The following EPS15 variants were observed in gnomAD, a reference collection of about 807,000 sequenced individuals.
EPS15 encodes epidermal growth factor receptor pathway substrate 15.
Under a neutral mutation model 113.8 loss-of-function variants are expected in EPS15, and 72 were observed. That is an observed-to-expected ratio of 0.63 (90% confidence interval 0.52 to 0.77). EPS15 has a LOEUF of 0.77. EPS15 is among the 30% of genes least tolerant of loss of function. The probability of loss-of-function intolerance (pLI) is 0.00; values close to 1 mark genes in which losing one functional copy is unlikely to be tolerated. For missense variants in EPS15, 1,048 were observed against 1,045.8 expected, an observed-to-expected ratio of 1.00 and a Z score of -0.03; for synonymous variants, 344 against 363.4, an observed-to-expected ratio of 0.95 and a Z score of 0.61.
In EPS15 at chr1:51,465,079, T is replaced by C. The variant is rs182732966; in HGVS notation, c.375+182A>G. Among the ~76,000 whole-genome samples, 163 of 152,338 alleles carry C rather than the reference T, an allele frequency of 1.1e-3. 1 individual carries two copies. Among genetic ancestry groups the C allele is most frequent in the African/African-American group, 3.9e-3 (161 of 41,578 alleles). On this transcript the variant is annotated intron_variant, in intron 6 of 24. Transcript: ENST00000371733. ...TATAACAGATATACAAGTAGACCGA[T>C]ACTGTCACAAAACAACTGACAGAGC...
rs139787993 is a variant in EPS15 at position 51,509,122 on chromosome 1, G to A, written c.33+10077C>T. 1.9e-3 allele frequency among the ~76,000 whole-genome samples: 286 copies of A among 152,178 alleles called. 1 individual carries two copies. The highest frequency in any genetic ancestry group is 4.8e-3 in the Admixed American group (74 of 15,282). On this transcript the variant is annotated intron_variant, in intron 1 of 24. Coordinates refer to ENST00000371733, the MANE Select transcript of EPS15 (RefSeq NM_001981.3). ...AACCAAAAGCTACTTCAGAGCAAAT[G>A]TCATGGTCTTATTCTGTATGTCCAA...
chr1:51,475,488 T>C (rs1020071624), intron 2 of EPS15, among the ~76,000 whole-genome samples: 2 of 152,224 alleles, frequency 1.3e-5, no homozygotes, highest in African/African-American at 4.8e-5. Flanking sequence ...TTTTGAGAAG[T>C]GTCTGTTCAT....
At chr1:51,363,097 A>C (rs1215281192) in intron 23 of EPS15, among the ~76,000 whole-genome samples, 1 of 152,156 alleles carries the variant, frequency 6.6e-6, no homozygotes, top group Admixed American at 6.6e-5. Flanking sequence ...CAGGAGGTAG[A>C]GACCAGCGTG....
chr1:51,409,854 G>A (rs570985996), intron 13 of EPS15, among the ~76,000 whole-genome samples, 158 bp from the exon 14 acceptor site: 1 of 152,148 alleles, frequency 6.6e-6, no homozygotes, highest in Non-Finnish European at 1.5e-5. Flanking sequence ...ATCTTTACTT[G>A]AAGACATCTT....
Position 51,426,796 on chromosome 1 carries a change from A to C in EPS15, c.1041-4938T>G, listed in dbSNP as rs1651230629. 2.7e-5 allele frequency among the ~76,000 whole-genome samples: 4 copies of C among 150,774 alleles called. No individual in the cohort carries two copies. The South Asian group carries it at 8.4e-4, about 32-fold the overall frequency. On this transcript the variant is annotated intron_variant, in intron 12 of 24. Coordinates refer to ENST00000371733, the MANE Select transcript of EPS15 (RefSeq NM_001981.3). ...GGACTTGCCAGCTCCCACAATCTTAAAAATTTCTTAAAATAAATCTGTCTC... is the reference window on the plus strand; with the variant it reads ...GGACTTGCCAGCTCCCACAATCTTACAAATTTCTTAAAATAAATCTGTCTC...
chr1:51,406,536 A>C (rs1029919070), intron 15 of EPS15, among the ~76,000 whole-genome samples: 2 of 152,244 alleles, frequency 1.3e-5, no homozygotes, highest in Non-Finnish European at 2.9e-5. Context: ...GCTTCCTTTA[A>C]GAAGAATCCT....
At chr1:51,506,430 A>G (rs1474070822) in intron 1 of EPS15, among the ~76,000 whole-genome samples, 3 of 152,188 alleles carry the variant, frequency 2.0e-5, no homozygotes, top group Admixed American at 2.0e-4. Context: ...CCATTTTTGA[A>G]TATTTTAAAT....
chr1:51,396,407 A>G (rs1381464672), intron 20 of EPS15, among the ~76,000 whole-genome samples: 2 of 152,182 alleles, frequency 1.3e-5, no homozygotes, highest in East Asian at 3.8e-4. Flanking sequence ...AACATCCATA[A>G]TCTGAAAACG....
intron 12 of EPS15, among the ~76,000 whole-genome samples, chr1:51,438,849 G>T (rs764451582): frequency 1.3e-5 from 2 of 151,970 alleles, no homozygotes; most frequent in African/African-American, 2.4e-5. Context: ...CTCTTAACGT[G>T]ATGTGTGACT....
intron 21 of EPS15, among the ~76,000 whole-genome samples, chr1:51,388,434 T>G (rs1281365469): frequency 6.6e-6 from 1 of 151,916 alleles, no homozygotes; most frequent in African/African-American, 2.4e-5. Flanking sequence ...AGCAAACACA[T>G]TCAAAAGCTA....
intron 1 of EPS15, among the ~76,000 whole-genome samples, chr1:51,511,714 A>C (rs964860378): frequency 6.6e-6 from 1 of 152,148 alleles, no homozygotes; most frequent in African/African-American, 2.4e-5. Context: ...CAAAATCTCA[A>C]AGTGCCAAGG....
chr1:51,469,306 A>C (rs1436262994), intron 4 of EPS15, among the ~76,000 whole-genome samples: 1 of 152,222 alleles, frequency 6.6e-6, no homozygotes, highest in Non-Finnish European at 1.5e-5. Flanking sequence ...TGGAACAGTA[A>C]TTCAAATGAC....
At chr1:51,379,402 G>T (rs984428667) in intron 21 of EPS15, among the ~76,000 whole-genome samples, 1 of 152,070 alleles carries the variant, frequency 6.6e-6, no homozygotes, top group Non-Finnish European at 1.5e-5. Context: ...TTACAGGTAT[G>T]AGCCACAGTG....
intron 13 of EPS15, among the ~76,000 whole-genome samples, chr1:51,418,429 C>T (rs112650067): frequency 0.013 from 1,899 of 151,882 alleles, 15 homozygotes; most frequent in Middle Eastern, 0.045. Flanking sequence ...TATTCTTGGC[C>T]CTGGGGAGAA....
At chr1:51,387,999 C>A (rs1271230590) in intron 21 of EPS15, among the ~76,000 whole-genome samples, 6 of 152,204 alleles carry the variant, frequency 3.9e-5, no homozygotes, top group Non-Finnish European at 8.8e-5. Flanking sequence ...CTCTCCACCA[C>A]AAATCAACAG....
chr1:51,516,283 T>C (rs1048546833), intron 1 of EPS15, among the ~76,000 whole-genome samples: 1 of 152,206 alleles, frequency 6.6e-6, no homozygotes, highest in Non-Finnish European at 1.5e-5. Context: ...CAGAAATAAG[T>C]TCCAGGTTTT....
intron 1 of EPS15, among the ~76,000 whole-genome samples, chr1:51,492,911 C>T (rs966197381): frequency 7.2e-5 from 11 of 152,194 alleles, no homozygotes; most frequent in African/African-American, 2.7e-4. Flanking sequence ...CCACATTACA[C>T]TATTTAACTT....
In EPS15 at chr1:51,403,370, T is replaced by G. The variant is rs757647955; in HGVS notation, c.1791+49A>C. On this transcript the variant is annotated intron_variant, in intron 17 of 24. Transcript: ENST00000371733. The stretch of plus-strand genomic sequence containing the variant: ...ATGTCTGATAATTCACCTCCTCCTG[T>G]CCTTCCACCCTTACAAGTCCCCAAT... 4.1e-6 allele frequency: 4 copies of G among 978,616 alleles called. No homozygotes were observed. In the Admixed American group the frequency reaches 7.7e-5, roughly 19 times the overall value. The allele number at this position is 978,616 out of a possible 1,614,324, so 60.6% of individuals were successfully genotyped here.
At chr1:51,413,754 C>A (rs1649958404) in intron 13 of EPS15, among the ~76,000 whole-genome samples, 1 of 151,902 alleles carries the variant, frequency 6.6e-6, no homozygotes, top group South Asian at 2.1e-4. Context: ...GTGGCATATA[C>A]CTTTATTTTT....
Sources: gnomAD v4.1 joint callset for allele counts (sites outside exome capture counted in the v4.1 genomes callset) on GRCh38, gnomAD v4.1.1 for gene constraint, MANE v1.5 for transcripts, NCBI Gene and HGNC (gene_info 2026-07-23, HGNC 2026-07-21) for gene names.